Variants in CSMD1 observed in about 807,000 individuals in gnomAD.
CSMD1 encodes the protein CUB and sushi domain-containing protein 1.
Under a neutral mutation model 417.5 loss-of-function variants are expected in CSMD1, and 213 were observed. The observed-to-expected ratio is 0.51, with a 90% CI of 0.46 to 0.57. CSMD1 has a LOEUF of 0.57. Among genes scored for constraint, CSMD1 ranks in the 20% least tolerant of loss-of-function variants. The pLI, the probability that CSMD1 is intolerant of heterozygous loss-of-function variation, is 0.00. For missense variants in CSMD1, 6,923 were observed against 4,529.7 expected, an observed-to-expected ratio of 1.53 and a Z score of -15.17; for synonymous variants, 2,862 against 1,736.8, an observed-to-expected ratio of 1.65 and a Z score of -16.11.
Position 3,335,413 on chromosome 8 carries a change from C to G in CSMD1, c.3631+7881G>C, listed in dbSNP as rs555535860. ...AAAGGTTTGGCCAGGCATGGTGGCT[C>G]ACGCCTGTAATCCCATCACTTTGGG... On this transcript the variant is annotated intron_variant, in intron 23 of 69. Coordinates refer to ENST00000635120, the MANE Select transcript of CSMD1 (RefSeq NM_033225.6). Among the ~76,000 whole-genome samples the G allele has an allele frequency of 7.9e-5, 12 of 152,296 alleles. No individual in the cohort carries two copies. In the South Asian group the frequency reaches 2.1e-3, roughly 26 times the overall value.
intron 39 of CSMD1, 65 bp downstream of exon 39, chr8:3,157,832 A>C: frequency 7.7e-7 from 1 of 1,300,776 alleles, no homozygotes; most frequent in East Asian, 2.5e-5. Context: ...TGACCCCAAG[A>C]GTAGAGCAGG....
At chr8:4,282,516 C>A (rs989675513) in intron 3 of CSMD1, among the ~76,000 whole-genome samples, 3 of 152,142 alleles carry the variant, frequency 2.0e-5, no homozygotes, top group Admixed American at 1.3e-4. Flanking sequence ...CTAAGCTTTG[C>A]GTTTGTAAAG....
At chr8:4,389,488 T>G (rs1348638216) in intron 3 of CSMD1, among the ~76,000 whole-genome samples, 4 of 151,832 alleles carry the variant, frequency 2.6e-5, no homozygotes, top group African/African-American at 9.7e-5. Flanking sequence ...TTCTCAGAAA[T>G]GTAAAAGAAA....
At chr8:3,868,711 C>G (rs1460007140) in intron 5 of CSMD1, among the ~76,000 whole-genome samples, 2 of 152,150 alleles carry the variant, frequency 1.3e-5, no homozygotes, top group African/African-American at 4.8e-5. Flanking sequence ...TCCTAAAAGC[C>G]TTGGGGGCAC....
intron 2 of CSMD1, among the ~76,000 whole-genome samples, chr8:4,524,990 T>C (rs947121190): frequency 6.6e-6 from 1 of 152,228 alleles, no homozygotes; most frequent in South Asian, 2.1e-4. Flanking sequence ...TTTTTTTTAC[T>C]AGGTTTGTGC....
At chr8:4,426,214 C>G (rs1797544441) in intron 2 of CSMD1, among the ~76,000 whole-genome samples, 1 of 151,812 alleles carries the variant, frequency 6.6e-6, no homozygotes, top group Non-Finnish European at 1.5e-5. Flanking sequence ...AGCCTTTTAT[C>G]TATAGTTACC....
At chr8:4,820,772 C>T (rs1214777818) in intron 1 of CSMD1, among the ~76,000 whole-genome samples, 1 of 152,084 alleles carries the variant, frequency 6.6e-6, no homozygotes, top group African/African-American at 2.4e-5. Context: ...CCTGTTTTTC[C>T]CACCTTATTA....
chr8:3,708,312 A>G lies in CSMD1; in HGVS notation c.1009+102T>C, dbSNP rs1253462673. ...TGGATATAGAAAAGAAGGAAGAGAT[A>G]ACGTGGGGAAGGTGGTGGGTGGGAT... On this transcript the variant is annotated intron_variant, in intron 7 of 69. Transcript: ENST00000635120. The G allele has an allele frequency of 4.7e-6, 4 of 854,484 alleles. No individual in the cohort carries two copies. In the South Asian group the frequency reaches 5.9e-5, roughly 13 times the overall value. The allele number at this position is 854,484 out of a possible 1,614,324, so 52.9% of individuals were successfully genotyped here.
chr8:3,789,855 C>T (rs1005204889), intron 5 of CSMD1, among the ~76,000 whole-genome samples: 1 of 151,532 alleles, frequency 6.6e-6, no homozygotes, highest in African/African-American at 2.4e-5. Context: ...CCTCAGCCTC[C>T]CAAGTAGCTG....
intron 3 of CSMD1, among the ~76,000 whole-genome samples, chr8:4,357,872 T>C (rs554015645): frequency 6.6e-6 from 1 of 152,154 alleles, no homozygotes; most frequent in Non-Finnish European, 1.5e-5. Flanking sequence ...CATATTTTAA[T>C]GCTAAAATCA....
At chr8:4,968,558 A>T (rs988654278) in intron 1 of CSMD1, among the ~76,000 whole-genome samples, 12 of 151,982 alleles carry the variant, frequency 7.9e-5, no homozygotes, top group South Asian at 2.1e-4. Context: ...TTTTATATAT[A>T]TTTTTTTCCG....
chr8:4,003,482 A>G (rs1399594123), intron 4 of CSMD1, among the ~76,000 whole-genome samples: 1 of 152,162 alleles, frequency 6.6e-6, no homozygotes, highest in Non-Finnish European at 1.5e-5. Flanking sequence ...ATGGGAAAAA[A>G]AGATTTTAAA....
chr8:3,386,960 T>C (rs965358649), intron 18 of CSMD1, among the ~76,000 whole-genome samples: 8 of 152,128 alleles, frequency 5.3e-5, no homozygotes, highest in African/African-American at 1.9e-4. Context: ...TGTCTTGAGA[T>C]TCCCAAGAGA....
At chr8:3,906,862 T>C (rs1396946561) in intron 5 of CSMD1, among the ~76,000 whole-genome samples, 3 of 149,752 alleles carry the variant, frequency 2.0e-5, no homozygotes, top group African/African-American at 7.3e-5. Context: ...GTACATAAAG[T>C]AAAAGTATTA....
intron 1 of CSMD1, among the ~76,000 whole-genome samples, chr8:4,851,173 A>G (rs1801456261): frequency 7.5e-6 from 1 of 133,124 alleles, no homozygotes; most frequent in South Asian, 2.4e-4. Flanking sequence ...TTCAATTCCC[A>G]CCTATGAGTG....
chr8:4,478,419 A>G (rs187348), intron 2 of CSMD1, among the ~76,000 whole-genome samples: 2 of 152,198 alleles, frequency 1.3e-5, no homozygotes, highest in Non-Finnish European at 2.9e-5. Flanking sequence ...AAAGTTATAT[A>G]TCTTGTCAGT....
At chr8:3,518,924 C>T (rs1797390567) in intron 10 of CSMD1, among the ~76,000 whole-genome samples, 1 of 152,200 alleles carries the variant, frequency 6.6e-6, no homozygotes, top group African/African-American at 2.4e-5. Context: ...GTTGAATCTC[C>T]TCATATTGTC....
chr8:3,782,653 A>C (rs1799244470), intron 5 of CSMD1, among the ~76,000 whole-genome samples: 1 of 152,226 alleles, frequency 6.6e-6, no homozygotes, highest in Admixed American at 6.5e-5. Flanking sequence ...AATTTAAAAA[A>C]TGCTATATAT....
intron 3 of CSMD1, among the ~76,000 whole-genome samples, chr8:4,237,850 T>C (rs1427205542): frequency 2.6e-5 from 4 of 152,178 alleles, no homozygotes; most frequent in Non-Finnish European, 5.9e-5. Context: ...TTATATTGTA[T>C]TATTTTTTTC....
Sources: gnomAD v4.1 joint callset for allele counts (sites outside exome capture counted in the v4.1 genomes callset) on GRCh38, gnomAD v4.1.1 for gene constraint, MANE v1.5 for transcripts, NCBI Gene and HGNC (gene_info 2026-07-23, HGNC 2026-07-21) for gene names.